Variants in ANKS1B observed in about 807,000 individuals in gnomAD.
The protein encoded by ANKS1B is ankyrin repeat and sterile alpha motif domain-containing protein 1B.
In ANKS1B, 36 loss-of-function variants were observed where a neutral mutation model predicts 148.3. The observed-to-expected ratio is 0.24, with a 90% CI of 0.19 to 0.32. The LOEUF (loss-of-function observed/expected upper bound fraction) is 0.32, where lower values mean the gene tolerates loss of function less well. ANKS1B is among the 10% of genes least tolerant of loss of function. The pLI, the probability that ANKS1B is intolerant of heterozygous loss-of-function variation, is 1.00. For synonymous variants in ANKS1B, 542 were observed against 560.8 expected (o/e 0.97, Z 0.47); for missense variants, 1,157 against 1,542.6 (o/e 0.75, Z 4.19).
intron 14 of ANKS1B, among the ~76,000 whole-genome samples, chr12:99,165,009 T>C (rs1315324919): frequency 1.3e-5 from 2 of 152,040 alleles, no homozygotes; most frequent in Non-Finnish European, 2.9e-5. Flanking sequence ...GTTTCTCATA[T>C]ATTCAGAAAA....
At position 99,301,464 on chromosome 12, in the gene ANKS1B, T is replaced by C. The variant is rs185738655; in HGVS notation, c.1757-54600A>G. ...GAAACAAAGAGCTGTTGAACAGATA[T>C]AATGTATTATAATGCATTTAGTGGA... On this transcript the variant is annotated intron_variant, in intron 12 of 26. Coordinates refer to ENST00000683438, the MANE Select transcript of ANKS1B (RefSeq NM_001352186.2). Among the ~76,000 whole-genome samples the C allele has an allele frequency of 1.9e-3, 294 of 152,306 alleles. 2 individuals carry two copies. Among genetic ancestry groups the C allele is most frequent in the Non-Finnish European group, 2.6e-3 (179 of 68,022 alleles).
chr12:99,664,588 A>T (rs1599147770), intron 8 of ANKS1B, among the ~76,000 whole-genome samples: 1 of 152,136 alleles, frequency 6.6e-6, no homozygotes, highest in East Asian at 1.9e-4. Context: ...AGAGTAAAGA[A>T]AGAAAGAAAA....
intron 8 of ANKS1B, among the ~76,000 whole-genome samples, chr12:99,744,810 G>A (rs1005758724): frequency 2.0e-5 from 3 of 151,916 alleles, no homozygotes; most frequent in African/African-American, 7.3e-5. Flanking sequence ...TGACTAACAT[G>A]GTGAAACCCT....
chr12:99,176,616 G>A (rs1250078494), intron 14 of ANKS1B, among the ~76,000 whole-genome samples: 1 of 152,188 alleles, frequency 6.6e-6, no homozygotes, highest in Non-Finnish European at 1.5e-5. Flanking sequence ...GTAATCCCTA[G>A]TGTTGGAGGT....
intron 10 of ANKS1B, among the ~76,000 whole-genome samples, chr12:99,483,401 G>A (rs764322234): frequency 2.0e-5 from 3 of 151,894 alleles, no homozygotes; most frequent in Non-Finnish European, 4.4e-5. Context: ...TGGTTAGCTA[G>A]TATTTTGTTC....
intron 11 of ANKS1B, among the ~76,000 whole-genome samples, chr12:99,438,494 C>T (rs1331197620): frequency 6.6e-6 from 1 of 151,764 alleles, no homozygotes; most frequent in African/African-American, 2.4e-5. Context: ...TCAAAATAAA[C>T]ATCTGTTCAA....
At chr12:99,122,427 C>A (rs537368525) in intron 15 of ANKS1B, among the ~76,000 whole-genome samples, 17 of 152,270 alleles carry the variant, frequency 1.1e-4, no homozygotes, top group African/African-American at 4.1e-4. Context: ...TTACATGAAT[C>A]TTCAAATATT....
intron 17 of ANKS1B, among the ~76,000 whole-genome samples, chr12:98,946,817 G>A (rs573118060): frequency 6.6e-6 from 1 of 151,990 alleles, no homozygotes; most frequent in Non-Finnish European, 1.5e-5. Flanking sequence ...GCACACACCT[G>A]TAGTCCTAGC....
chr12:99,631,384 T>C (rs2098159165), intron 9 of ANKS1B, among the ~76,000 whole-genome samples: 1 of 151,748 alleles, frequency 6.6e-6, no homozygotes, highest in South Asian at 2.1e-4. Flanking sequence ...TGGAACTAGA[T>C]AATGGGCAGA....
intron 23 of ANKS1B, among the ~76,000 whole-genome samples, chr12:98,781,682 A>G (rs2098738290): frequency 6.6e-6 from 1 of 152,194 alleles, no homozygotes; most frequent in Non-Finnish European, 1.5e-5. Context: ...GCTTGGATGT[A>G]TACTTAAAAT....
At chr12:99,368,523 A>T (rs7968069) in intron 12 of ANKS1B, among the ~76,000 whole-genome samples, 16,477 of 152,122 alleles carry the variant, frequency 0.11, 902 homozygotes, top group Non-Finnish European at 0.13. Context: ...GAAAAGAGAC[A>T]ATATAAGATC....
intron 14 of ANKS1B, among the ~76,000 whole-genome samples, chr12:99,239,519 C>T (rs936494650): frequency 3.3e-5 from 5 of 152,108 alleles, no homozygotes; most frequent in Non-Finnish European, 5.9e-5. Flanking sequence ...GAGAACTTCC[C>T]GAATCTAGCA....
At position 98,944,171 on chromosome 12, in the gene ANKS1B, G is replaced by T. The variant is rs149167995; in HGVS notation, c.2778+108986C>A. On this transcript the variant is annotated intron_variant, in intron 17 of 26. Coordinates refer to ENST00000683438, the MANE Select transcript of ANKS1B (RefSeq NM_001352186.2). ...AAAAACTAGCTGGGTGTGGGGGCAC[G>T]TGCCTGTAATCCCAGCTACTGGGGA... Among the ~76,000 whole-genome samples the T allele has an allele frequency of 2.4e-3, 362 of 152,058 alleles. 5 individuals are homozygous for T. In the East Asian group the frequency reaches 0.048, roughly 20 times the overall value.
At chr12:98,962,118 C>A (rs1236870290) in intron 17 of ANKS1B, among the ~76,000 whole-genome samples, 2 of 150,276 alleles carry the variant, frequency 1.3e-5, no homozygotes, top group Non-Finnish European at 3.0e-5. Flanking sequence ...ACTCTCCAAT[C>A]AAAAGACAGA....
intron 12 of ANKS1B, among the ~76,000 whole-genome samples, chr12:99,369,747 A>ACGATAGAT (rs2092986413): frequency 7.0e-6 from 1 of 143,294 alleles, no homozygotes; most frequent in Non-Finnish European, 1.5e-5. Flanking sequence ...AATGGATAGA[A>ACGATAGAT]AGATAGATAG....
intron 1 of ANKS1B, among the ~76,000 whole-genome samples, chr12:99,969,767 C>T (rs2095535884): frequency 6.6e-6 from 1 of 152,142 alleles, no homozygotes; most frequent in Non-Finnish European, 1.5e-5. Context: ...ATGCATTGAT[C>T]CCTATGGCAC....
At chr12:98,852,637 ATTG>A (rs2099536306) in intron 17 of ANKS1B, among the ~76,000 whole-genome samples, 1 of 152,102 alleles carries the variant, frequency 6.6e-6, no homozygotes. Context: ...TGAGTTTGAT[ATTG>A]TTATCCCTGT....
chr12:98,982,011 T>C (rs940682622), intron 17 of ANKS1B, among the ~76,000 whole-genome samples: 2 of 152,180 alleles, frequency 1.3e-5, no homozygotes, highest in Non-Finnish European at 2.9e-5. Context: ...AGATGGAGTA[T>C]GTTGTTGCAG....
intron 9 of ANKS1B, among the ~76,000 whole-genome samples, chr12:99,524,292 G>A (rs564984273): frequency 6.6e-6 from 1 of 152,298 alleles, no homozygotes; most frequent in Non-Finnish European, 1.5e-5. Context: ...AGGCAGCCAT[G>A]GGGGAAGGAG....
Sources: gnomAD v4.1 joint callset for allele counts (sites outside exome capture counted in the v4.1 genomes callset) on GRCh38, gnomAD v4.1.1 for gene constraint, MANE v1.5 for transcripts, NCBI Gene and HGNC (gene_info 2026-07-23, HGNC 2026-07-21) for gene names.